Variants in BBX observed in about 807,000 individuals in gnomAD.
BBX encodes HMG box transcription factor BBX.
BBX carries 30 observed loss-of-function variants against 100.2 expected under a neutral mutation model. That is an observed-to-expected ratio of 0.30 (90% confidence interval 0.22 to 0.41). The LOEUF (loss-of-function observed/expected upper bound fraction) is 0.41, where lower values mean the gene tolerates loss of function less well. Among genes scored for constraint, BBX ranks in the 10% least tolerant of loss-of-function variants. BBX has a pLI of 1.00. For synonymous variants in BBX, 376 were observed against 388.1 expected, an observed-to-expected ratio of 0.97 and a Z score of 0.37; for missense variants, 1,023 against 1,129.8, an observed-to-expected ratio of 0.91 and a Z score of 1.35.
rs554754061 is a variant in BBX at position 107,528,030 on chromosome 3, T to A, written c.-84+1632T>A. Reference sequence around the variant, plus strand: ...TTGAGAATAAAAGTCTGATAAGTGCTTGTATTTCTTTGAGATATCAAGTGA... The same window carrying A: ...TTGAGAATAAAAGTCTGATAAGTGCATGTATTTCTTTGAGATATCAAGTGA... On this transcript the variant is annotated intron_variant, in intron 2 of 17. Coordinates refer to ENST00000325805, the MANE Select transcript of BBX (RefSeq NM_001142568.3). 3.3e-5 allele frequency among the ~76,000 whole-genome samples: 5 copies of A among 152,330 alleles called. No homozygotes were observed. The South Asian group carries it at 1.0e-3, about 32-fold the overall frequency.
At chr3:107,592,492 A>G (rs1391227039) in intron 2 of BBX, among the ~76,000 whole-genome samples, 1 of 152,112 alleles carries the variant, frequency 6.6e-6, no homozygotes. Flanking sequence ...AGAATGCTCA[A>G]TCTTAAACGT....
intron 1 of BBX, 55 bp downstream of exon 1, chr3:107,523,162 T>C (rs1324984471): frequency 5.7e-6 from 1 of 174,562 alleles, no homozygotes; most frequent in Admixed American, 6.4e-5. Context: ...ACTTTCTGTT[T>C]TCCTACTCAC....
At chr3:107,588,392 A>G (rs2107581858) in intron 2 of BBX, among the ~76,000 whole-genome samples, 1 of 152,284 alleles carries the variant, frequency 6.6e-6, no homozygotes, top group East Asian at 1.9e-4. Flanking sequence ...TAGGAGGATC[A>G]GTAAGGAAGC....
rs1491509671 is a variant in BBX, at chr3:107,797,336, A to AT, written c.2354-1187_2354-1186insT. Among the ~76,000 whole-genome samples, 288 of 83,098 alleles carry AT rather than the reference A, an allele frequency of 3.5e-3. 7 individuals are homozygous for AT. The highest frequency in any genetic ancestry group is 8.7e-3 in the African/African-American group (192 of 21,946). 54.5% of individuals were successfully genotyped at this position (83,098 alleles called of 152,430 possible). A position where few individuals can be genotyped will look rare whatever the true frequency, so the allele number is the denominator to read the frequency against. On this transcript the variant is annotated intron_variant, in intron 15 of 17. Transcript: ENST00000325805. ...TTCCTCTTAGTTTAGCTTTTCTTCC[A>AT]AATATATATATATATATATATATAT...
At chr3:107,541,073 T>C (rs1156557596) in intron 2 of BBX, among the ~76,000 whole-genome samples, 2 of 152,214 alleles carry the variant, frequency 1.3e-5, no homozygotes, top group Non-Finnish European at 2.9e-5. Flanking sequence ...GTTGGCTCTC[T>C]TATACTTGTT....
chr3:107,642,332 AAAT>A (rs2057263039), intron 2 of BBX, among the ~76,000 whole-genome samples: 2 of 152,246 alleles, frequency 1.3e-5, no homozygotes, highest in South Asian at 2.1e-4. Flanking sequence ...GTAGTATATA[AAAT>A]AATGAGTCAA....
intron 2 of BBX, among the ~76,000 whole-genome samples, chr3:107,627,391 T>C (rs2056259006): frequency 6.6e-6 from 1 of 152,148 alleles, no homozygotes; most frequent in African/African-American, 2.4e-5. Flanking sequence ...AGATTAAATG[T>C]TGAGATTGTT....
At chr3:107,725,026 A>C (rs111688875) in intron 5 of BBX, among the ~76,000 whole-genome samples, 39,435 of 151,888 alleles carry the variant, frequency 0.26, 5,310 homozygotes, top group African/African-American at 0.29. Context: ...GATATTGATT[A>C]TTCCTACCCA....
At chr3:107,624,332 G>T (rs1362079265) in intron 2 of BBX, among the ~76,000 whole-genome samples, 2 of 151,396 alleles carry the variant, frequency 1.3e-5, no homozygotes, top group Non-Finnish European at 2.9e-5. Flanking sequence ...CATCAGCCTT[G>T]TTTTTTTTGT....
intron 3 of BBX, among the ~76,000 whole-genome samples, chr3:107,658,610 CATCTTCAGAGAATGGTGGTAA>C (rs1391928171): frequency 6.6e-6 from 1 of 152,100 alleles, no homozygotes; most frequent in Non-Finnish European, 1.5e-5. Flanking sequence ...CTTTGGTTTT[CATCTTCAGAGAATGGTGGTAA>C]AGATAAACAA....
intron 3 of BBX, among the ~76,000 whole-genome samples, chr3:107,701,584 G>A (rs1330413015): frequency 6.6e-6 from 1 of 152,176 alleles, no homozygotes; most frequent in Admixed American, 6.5e-5. Context: ...CATGCTAGTA[G>A]TGTGATTTAT....
intron 2 of BBX, among the ~76,000 whole-genome samples, chr3:107,534,191 G>T (rs1163975967): frequency 6.6e-6 from 1 of 152,178 alleles, no homozygotes. Flanking sequence ...ATTCCTTGGT[G>T]TAGGAAAGCC....
At chr3:107,737,880 T>C in intron 7 of BBX, among the ~76,000 whole-genome samples, 1 of 135,104 alleles carries the variant, frequency 7.4e-6, no homozygotes, top group Non-Finnish European at 1.6e-5. Flanking sequence ...ACTTCAGAGT[T>C]CCAGTTTTTT....
At chr3:107,539,446 G>A (rs2048725406) in intron 2 of BBX, among the ~76,000 whole-genome samples, 1 of 152,174 alleles carries the variant, frequency 6.6e-6, no homozygotes, top group Admixed American at 6.5e-5. Flanking sequence ...TGGTTGTATA[G>A]CTGGATGTCT....
intron 9 of BBX, among the ~76,000 whole-genome samples, chr3:107,753,975 T>C (rs1176607821): frequency 6.6e-6 from 1 of 152,144 alleles, no homozygotes; most frequent in Non-Finnish European, 1.5e-5. Context: ...AATTGGGCCA[T>C]TTATTGAGAG....
chr3:107,546,511 G>C (rs994965481), intron 2 of BBX, among the ~76,000 whole-genome samples: 1 of 152,086 alleles, frequency 6.6e-6, no homozygotes, highest in African/African-American at 2.4e-5. Flanking sequence ...TCTTTTTAGG[G>C]CTACATCATC....
chr3:107,768,673 C>T (rs1233881781), intron 10 of BBX, among the ~76,000 whole-genome samples: 1 of 151,852 alleles, frequency 6.6e-6, no homozygotes, highest in South Asian at 2.1e-4. Context: ...ATCAAGTTTA[C>T]CAGCATATTA....
intron 2 of BBX, among the ~76,000 whole-genome samples, chr3:107,545,446 A>G (rs972777696): frequency 6.6e-5 from 10 of 152,214 alleles, no homozygotes; most frequent in African/African-American, 2.4e-4. Flanking sequence ...GTGGTAGCTA[A>G]ATGGAAATAA....
At chr3:107,710,967 G>T (rs1285558495) in intron 4 of BBX, among the ~76,000 whole-genome samples, 4 of 152,114 alleles carry the variant, frequency 2.6e-5, no homozygotes, top group Non-Finnish European at 4.4e-5. Flanking sequence ...CTCTGTCTTG[G>T]CTTCTGGCCT....
Sources: gnomAD v4.1 joint callset for allele counts (sites outside exome capture counted in the v4.1 genomes callset) on GRCh38, gnomAD v4.1.1 for gene constraint, MANE v1.5 for transcripts, NCBI Gene and HGNC (gene_info 2026-07-23, HGNC 2026-07-21) for gene names.